The following SH3GL2 variants were observed in gnomAD, a reference collection of about 807,000 sequenced individuals.
SH3GL2 encodes SH3 domain containing GRB2 like 2, endophilin A1, also known as endophilin-A1.
In SH3GL2, 24 loss-of-function variants were observed where a neutral mutation model predicts 46.0. The ratio of observed to expected loss-of-function variants is 0.52; its 90% CI spans 0.38 to 0.73. The LOEUF is 0.73. SH3GL2 is among the 30% of genes least tolerant of loss of function. The pLI is 0.00. For synonymous variants in SH3GL2, 196 were observed against 147.1 expected, an observed-to-expected ratio of 1.33 and a Z score of -2.40; for missense variants, 413 against 424.2, an observed-to-expected ratio of 0.97 and a Z score of 0.23.
At chr9:17,751,082 G>A (rs1321072723) in intron 2 of SH3GL2, among the ~76,000 whole-genome samples, 1 of 152,184 alleles carries the variant, frequency 6.6e-6, no homozygotes, top group Non-Finnish European at 1.5e-5. Flanking sequence ...TTTGCAGCCT[G>A]AAAATTATTG....
At chr9:17,705,074 G>T (rs983450566) in intron 1 of SH3GL2, among the ~76,000 whole-genome samples, 3 of 151,770 alleles carry the variant, frequency 2.0e-5, no homozygotes, top group African/African-American at 7.3e-5. Context: ...ATTAAAAAAT[G>T]CACAAAAGAC....
At chr9:17,735,666 A>C (rs981319121) in intron 1 of SH3GL2, 2 of 423,828 alleles carry the variant, frequency 4.7e-6, no homozygotes, top group African/African-American at 4.3e-5. Context: ...CAGGGGTTCT[A>C]GGTTCTAGAA....
rs111602315 is a variant in SH3GL2 at position 17,761,321 on chromosome 9, C to T, written c.115-116C>T. On this transcript the variant is annotated intron_variant, in intron 2 of 8. Coordinates refer to ENST00000380607, the MANE Select transcript of SH3GL2 (RefSeq NM_003026.5). ...GCGTCTCAGCCTCCCTCACCTACTGCGGGACTTGTCCGGGGCTCTGTTGCA... is the reference window on the plus strand; with the variant it reads ...GCGTCTCAGCCTCCCTCACCTACTGTGGGACTTGTCCGGGGCTCTGTTGCA... 3.2e-3 allele frequency: 2,220 copies of T among 703,684 alleles called. 23 individuals carry two copies. The highest frequency in any genetic ancestry group is 0.012 in the East Asian group (468 of 38,320). The allele number at this position is 703,684 out of a possible 1,614,324, so 43.6% of individuals were successfully genotyped here.
rs552082350 is a variant in SH3GL2, at chr9:17,635,127, C to T, written c.45+55840C>T. 4.9e-4 allele frequency among the ~76,000 whole-genome samples: 74 copies of T among 152,274 alleles called. 2 individuals carry two copies. The South Asian group carries it at 0.014, about 29-fold the overall frequency. On this transcript the variant is annotated intron_variant, in intron 1 of 8. Coordinates refer to ENST00000380607, the MANE Select transcript of SH3GL2 (RefSeq NM_003026.5). ...CCATTAGTTATTTTTCCTGGATCTTCTCCCTGCCCACACCTACCACCCTCC... is the reference window on the plus strand; with the variant it reads ...CCATTAGTTATTTTTCCTGGATCTTTTCCCTGCCCACACCTACCACCCTCC...
intron 2 of SH3GL2, among the ~76,000 whole-genome samples, chr9:17,755,437 G>C (rs1822960723): frequency 6.6e-6 from 1 of 152,138 alleles, no homozygotes; most frequent in African/African-American, 2.4e-5. Flanking sequence ...ACCTTGGCCT[G>C]AAGTTTTCTT....
In SH3GL2 at chr9:17,796,921, G is replaced by T. The variant is rs138116953; in HGVS notation, c.*1178G>T. The T allele has an allele frequency of 9.2e-5, 14 of 152,580 alleles. No individual in the cohort carries two copies. Among genetic ancestry groups the T allele is most frequent in the African/African-American group, 3.4e-4 (14 of 41,500 alleles). The allele number at this position is 152,580 out of a possible 1,614,324, so 9.5% of individuals were successfully genotyped here. On this transcript the variant is annotated 3_prime_UTR_variant, in exon 9 of 9. Coordinates refer to ENST00000380607, the MANE Select transcript of SH3GL2 (RefSeq NM_003026.5). ...AGCTTATCAGTGTGTTTTTTTATTTGTATCAGTCATGAAAGTCCTGTTAGG... is the reference window on the plus strand; with the variant it reads ...AGCTTATCAGTGTGTTTTTTTATTTTTATCAGTCATGAAAGTCCTGTTAGG...
intron 1 of SH3GL2, among the ~76,000 whole-genome samples, chr9:17,743,933 C>G (rs954843975): frequency 2.6e-5 from 4 of 152,124 alleles, no homozygotes; most frequent in Admixed American, 6.5e-5. Flanking sequence ...CCTTGTGTGT[C>G]TGTTTTTTAA....
intron 3 of SH3GL2, among the ~76,000 whole-genome samples, chr9:17,782,605 T>C (rs760997143): frequency 6.6e-6 from 1 of 152,130 alleles, no homozygotes; most frequent in Non-Finnish European, 1.5e-5. Flanking sequence ...AGACCTGCTC[T>C]CAAACCATCC....
At chr9:17,757,964 A>G (rs559739016) in intron 2 of SH3GL2, among the ~76,000 whole-genome samples, 13 of 152,284 alleles carry the variant, frequency 8.5e-5, no homozygotes, top group Admixed American at 2.6e-4. Context: ...TTAGCAAAAG[A>G]GTCCTGGGCA....
At chr9:17,782,838 C>G (rs1254019052) in intron 3 of SH3GL2, among the ~76,000 whole-genome samples, 1 of 152,130 alleles carries the variant, frequency 6.6e-6, no homozygotes, top group African/African-American at 2.4e-5. Context: ...GCCACAGGCA[C>G]CTCTGCATCT....
chr9:17,650,244 A>G (rs1409578081), intron 1 of SH3GL2, among the ~76,000 whole-genome samples: 1 of 152,246 alleles, frequency 6.6e-6, no homozygotes, highest in Non-Finnish European at 1.5e-5. Flanking sequence ...TAAACTAGAA[A>G]TAAATGATAT....
chr9:17,654,613 T>C (rs1467870918), intron 1 of SH3GL2, among the ~76,000 whole-genome samples: 1 of 152,228 alleles, frequency 6.6e-6, no homozygotes, highest in African/African-American at 2.4e-5. Flanking sequence ...CATCTATCTA[T>C]ATCATGTCTA....
At chr9:17,695,067 A>G (rs1401679930) in intron 1 of SH3GL2, among the ~76,000 whole-genome samples, 1 of 152,078 alleles carries the variant, frequency 6.6e-6, no homozygotes, top group African/African-American at 2.4e-5. Flanking sequence ...AGGCACTGCA[A>G]AAGTTACTGG....
intron 1 of SH3GL2, among the ~76,000 whole-genome samples, chr9:17,607,861 A>C (rs1478534235): frequency 6.6e-6 from 1 of 152,224 alleles, no homozygotes; most frequent in Non-Finnish European, 1.5e-5. Context: ...TGGTATCATC[A>C]CAAACTGATC....
At position 17,654,117 on chromosome 9, in the gene SH3GL2, C is replaced by T. The variant is rs573559063; in HGVS notation, c.45+74830C>T. 1.2e-4 allele frequency among the ~76,000 whole-genome samples: 18 copies of T among 152,238 alleles called. No individual in the cohort carries two copies. The South Asian group carries it at 3.1e-3, about 26-fold the overall frequency. ...GAGAGAGCTGCAGACTGGGGGAGGG[C>T]AAGAAATCTGGAGTCAGATGATCAT... is the stretch of plus-strand genomic sequence containing the variant. On this transcript the variant is annotated intron_variant, in intron 1 of 8. Coordinates refer to ENST00000380607, the MANE Select transcript of SH3GL2 (RefSeq NM_003026.5).
intron 3 of SH3GL2, among the ~76,000 whole-genome samples, chr9:17,769,644 C>G (rs890097396): frequency 6.6e-6 from 1 of 152,106 alleles, no homozygotes. Context: ...CAGTCCTTTC[C>G]TGCCCCGACC....
At chr9:17,771,060 G>GTTA (rs1184856408) in intron 3 of SH3GL2, among the ~76,000 whole-genome samples, 1 of 152,182 alleles carries the variant, frequency 6.6e-6, no homozygotes, top group Non-Finnish European at 1.5e-5. Context: ...GTGGTACTTT[G>GTTA]TTATTCTATG....
At chr9:17,741,304 TTATA>T (rs1279477533) in intron 1 of SH3GL2, among the ~76,000 whole-genome samples, 1 of 152,198 alleles carries the variant, frequency 6.6e-6, no homozygotes, top group Non-Finnish European at 1.5e-5. Context: ...ATGTGTGTGT[TTATA>T]TATGCAAATA....
chr9:17,582,467 C>G (rs577819380), intron 1 of SH3GL2, among the ~76,000 whole-genome samples: 1 of 152,186 alleles, frequency 6.6e-6, no homozygotes, highest in South Asian at 2.1e-4. Context: ...AGTTTTTTTA[C>G]ACTTGTTTTA....
Sources: allele counts gnomAD v4.1 joint callset (sites outside exome capture counted in the v4.1 genomes callset), GRCh38; gene constraint gnomAD v4.1.1; transcripts MANE v1.5; gene names NCBI Gene and HGNC (gene_info 2026-07-23, HGNC 2026-07-21).